The following HDLBP variants were observed in gnomAD, a reference collection of about 807,000 sequenced individuals.
The protein encoded by HDLBP is vigilin.
A neutral mutation model predicts 137.3 loss-of-function variants in HDLBP; 30 were observed. The ratio of observed to expected loss-of-function variants is 0.22; its 90% CI spans 0.16 to 0.30. HDLBP has a LOEUF of 0.30. HDLBP is among the 10% of genes least tolerant of loss of function. The pLI, the probability that HDLBP is intolerant of heterozygous loss-of-function variation, is 1.00. For missense variants in HDLBP, 1,119 were observed against 1,667.3 expected (o/e 0.67, Z 5.73); for synonymous variants, 606 against 596.0 (o/e 1.02, Z -0.24).
At position 241,250,259 on chromosome 2, in the gene HDLBP, C is replaced by T. The variant is rs192363085; in HGVS notation, c.1373-279G>A. On this transcript the variant is annotated intron_variant, in intron 11 of 27. Transcript: ENST00000310931. ...TTCAAATAACTGACGGTTGGGGCCA[C>T]TCAGTCTGGGATTTAGCTCGTCTGG... The T allele has an allele frequency of 2.3e-5, 7 of 302,772 alleles. No individual in the cohort carries two copies. In the East Asian group the frequency reaches 4.4e-4, roughly 19 times the overall value. The allele number at this position is 302,772 out of a possible 1,614,324, so 18.8% of individuals were successfully genotyped here.
At position 241,262,816 on chromosome 2, in the gene HDLBP, C is replaced by A; in HGVS notation, c.345G>T (p.Leu115Phe). The A allele has an allele frequency of 6.2e-7, 1 of 1,614,176 alleles. No individual in the cohort carries two copies. ...LEIMQRTGAH[L>F]ELSLAKDQGL... The stretch of plus-strand genomic sequence containing the variant: ...CTTGGTCTTTGGCCAAAGACAGCTC[C>A]AAGTGAGCACCAGTTCTCTGCATGA... The change falls in exon 5 of 28, where the codon TTG becomes TTT. Residue 115 changes from leucine (L) to phenylalanine (F), a missense_variant. Coordinates refer to ENST00000310931, the MANE Select transcript of HDLBP (RefSeq NM_005336.6).
chr2:241,258,220 G>A (rs562902919), intron 5 of HDLBP, among the ~76,000 whole-genome samples: 30 of 152,150 alleles, frequency 2.0e-4, no homozygotes, highest in Non-Finnish European at 2.4e-4. Context: ...GGTGGCAGGC[G>A]CCTGTAATCC....
chr2:241,277,672 T>C (rs1435890020), intron 1 of HDLBP, among the ~76,000 whole-genome samples: 2 of 152,094 alleles, frequency 1.3e-5, no homozygotes, highest in East Asian at 3.9e-4. Flanking sequence ...ATATAAAACT[T>C]ACAACAAGGC....
intron 24 of HDLBP, among the ~76,000 whole-genome samples, chr2:241,232,138 A>G (rs2069835982): frequency 6.6e-6 from 1 of 152,170 alleles, no homozygotes; most frequent in African/African-American, 2.4e-5. Flanking sequence ...CTCAGGCACC[A>G]CCCGCGTGCT....
Position 241,230,099 on chromosome 2 carries a change from A to G in HDLBP, c.3591+54T>C. 6.3e-7 allele frequency: 1 copy of G among 1,590,792 alleles called. No individual in the cohort carries two copies. The highest frequency in any genetic ancestry group is 8.6e-7 in the Non-Finnish European group (1 of 1,159,958). On this transcript the variant is annotated intron_variant, in intron 26 of 27. Transcript: ENST00000310931. This position sits in a 1 kb window ranked among gnomAD's most constrained non-coding sequence, Gnocchi z 5.0. ...CCCCTGAAGCTCCTGGCTGGGCCTC[A>G]GGCCGGTGGACGTGCCAGGGCGCCT... is the stretch of plus-strand genomic sequence containing the variant.
At chr2:241,229,784 G>GGGCCCCCCCCCCCCCCCGGCCCCCC in intron 27 of HDLBP, 49 bp downstream of exon 27, 1 of 1,502,550 alleles carries the variant, frequency 6.7e-7, no homozygotes, top group Non-Finnish European at 9.1e-7. Flanking sequence ...AAGCCCGCCT[G>GGGCCCCCCCCCCCCCCCGGCCCCCC]CCCGCCCACC....
chr2:241,242,363 A>G, intron 17 of HDLBP, 97 bp downstream of exon 17: 1 of 1,040,450 alleles, frequency 9.6e-7, no homozygotes. Context: ...ACCCGCCACA[A>G]AGGAAGGGCA....
intron 1 of HDLBP, among the ~76,000 whole-genome samples, chr2:241,313,813 G>T (rs1214066261): frequency 6.6e-6 from 1 of 152,142 alleles, no homozygotes; most frequent in East Asian, 1.9e-4. Flanking sequence ...ACTGTAACAG[G>T]GATTCAAGTA....
intron 1 of HDLBP, chr2:241,315,105 G>A (rs1456435666): frequency 6.6e-6 from 1 of 151,930 alleles, no homozygotes; most frequent in East Asian, 1.9e-4. Context: ...GTCTCACCTC[G>A]GGCCCCACAC....
chr2:241,247,791 G>A (rs532936436), intron 14 of HDLBP, among the ~76,000 whole-genome samples: 1 of 152,130 alleles, frequency 6.6e-6, no homozygotes, highest in Non-Finnish European at 1.5e-5. Flanking sequence ...CACAAACACT[G>A]CAGTCTTAAC....
intron 20 of HDLBP, among the ~76,000 whole-genome samples, chr2:241,237,918 T>A (rs888362613): frequency 2.0e-5 from 3 of 152,238 alleles, no homozygotes; most frequent in South Asian, 4.1e-4. Flanking sequence ...CAAAGGGGCT[T>A]GAATGGCTGT....
chr2:241,238,658 CCTCT>C lies in HDLBP; in HGVS notation c.2736_2739del (p.Glu913ArgfsTer64). 1 of 1,571,198 alleles carries C rather than the reference CCTCT, an allele frequency of 6.4e-7. No homozygotes were observed. The highest frequency in any genetic ancestry group is 8.7e-7 in the Non-Finnish European group (1 of 1,151,354). ...CTAATGGGGGACCCACCTGCGTTCT[CCTCT>C]CTGTCTGGGAATTTAATTTGAACAC... is the stretch of plus-strand genomic sequence containing the variant. On this transcript the variant is annotated frameshift_variant, in exon 20 of 28. Transcript: ENST00000310931. LOFTEE classifies it high-confidence loss of function. The surrounding 1 kb of genome is among the most constrained non-coding windows in gnomAD (Gnocchi z 4.9).
chr2:241,278,836 T>C (rs913964780), intron 1 of HDLBP, among the ~76,000 whole-genome samples: 1 of 152,092 alleles, frequency 6.6e-6, no homozygotes, highest in Non-Finnish European at 1.5e-5. Context: ...CAATCAATTA[T>C]GTTTCCAAAA....
chr2:241,247,710 A>G (rs552663105), intron 14 of HDLBP, among the ~76,000 whole-genome samples: 5 of 152,236 alleles, frequency 3.3e-5, no homozygotes, highest in Admixed American at 6.5e-5. Flanking sequence ...AATTTCTCTA[A>G]GTATCTGAAG....
At chr2:241,236,948 C>G (rs1441837054) in intron 20 of HDLBP, among the ~76,000 whole-genome samples, 179 bp from the exon 21 acceptor site, 1 of 145,056 alleles carries the variant, frequency 6.9e-6, no homozygotes, top group African/African-American at 2.6e-5. Context: ...GACGTCCCCA[C>G]AGCAGCCTCA....
intron 4 of HDLBP, among the ~76,000 whole-genome samples, chr2:241,263,777 A>T (rs1348058099): frequency 6.6e-6 from 1 of 152,198 alleles, no homozygotes; most frequent in African/African-American, 2.4e-5. Flanking sequence ...GAAACTGGTT[A>T]ACCTCTTCGA....
chr2:241,267,623 C>A (rs1213052143), intron 2 of HDLBP: 1 of 1,535,614 alleles, frequency 6.5e-7, no homozygotes, highest in African/African-American at 1.4e-5. Context: ...TACAAAAAGC[C>A]AGCGGTCTCT....
chr2:241,241,609 A>C (rs1357297784), intron 17 of HDLBP, among the ~76,000 whole-genome samples: 1 of 147,834 alleles, frequency 6.8e-6, no homozygotes, highest in Non-Finnish European at 1.5e-5. Context: ...AAAAATCCAC[A>C]AAACAGTGAC....
At chr2:241,262,194 G>A (rs1243327625) in intron 5 of HDLBP, among the ~76,000 whole-genome samples, 1 of 152,248 alleles carries the variant, frequency 6.6e-6, no homozygotes, top group Non-Finnish European at 1.5e-5. Flanking sequence ...GAAATGTGTA[G>A]TTAGTGAACA....
Sources: allele counts gnomAD v4.1 joint callset (sites outside exome capture counted in the v4.1 genomes callset), GRCh38; gene constraint gnomAD v4.1.1; non-coding constraint Gnocchi (gnomAD v3.1); transcripts MANE v1.5; gene names NCBI Gene and HGNC (gene_info 2026-07-23, HGNC 2026-07-21).